MROH1: variants seen among roughly 807,000 people sequenced by gnomAD.
The protein encoded by MROH1 is maestro heat like repeat family member 1, also known as maestro heat-like repeat-containing protein family member 1.
A neutral mutation model predicts 116.5 loss-of-function variants in MROH1; 117 were observed. The ratio of observed to expected loss-of-function variants is 1.00; its 90% confidence interval spans 0.86 to 1.17. The LOEUF (loss-of-function observed/expected upper bound fraction) is 1.17. Ranked by LOEUF, MROH1 falls within the 50% of genes most tolerant of loss-of-function variation. The pLI, the probability that MROH1 is intolerant of heterozygous loss-of-function variation, is 0.00. For missense variants in MROH1, 1,873 were observed against 1,338.5 expected (o/e 1.40, Z -6.23); for synonymous variants, 921 against 583.9 (o/e 1.58, Z -8.32).
chr8:144,190,290 G>T (rs1164129036), intron 7 of MROH1, among the ~76,000 whole-genome samples: 1 of 152,198 alleles, frequency 6.6e-6, no homozygotes, highest in Non-Finnish European at 1.5e-5. Flanking sequence ...CACTTTGGGA[G>T]GCCAAGGTGG....
In MROH1 at chr8:144,180,784, G is replaced by A. The variant is rs1352034402; in HGVS notation, c.562+261G>A. On this transcript the variant is annotated intron_variant, in intron 7 of 43. Transcript: ENST00000326134. This position sits in a 1 kb window ranked among gnomAD's most constrained non-coding sequence, Gnocchi z 7.4. ...GGTCCACTGAGGGCTGGACGTGCCTGGGGGGTAGGAAGAGACTTCCTCGAA... is the reference window on the plus strand; with the variant it reads ...GGTCCACTGAGGGCTGGACGTGCCTAGGGGGTAGGAAGAGACTTCCTCGAA... Among the ~76,000 whole-genome samples, 1 of 152,112 alleles carries A rather than the reference G, an allele frequency of 6.6e-6. No individual in the cohort carries two copies. Among genetic ancestry groups the A allele is most frequent in the African/African-American group, 2.4e-5 (1 of 41,418 alleles).
chr8:144,214,684 C>T (rs1015249181), intron 12 of MROH1, among the ~76,000 whole-genome samples: 30 of 152,294 alleles, frequency 2.0e-4, no homozygotes, highest in Non-Finnish European at 3.5e-4. Flanking sequence ...ATTGTTCGTT[C>T]CCTTTGTCTC....
At position 144,201,299 on chromosome 8, in the gene MROH1, T is replaced by C. The variant is rs560527483; in HGVS notation, c.1141+758T>C. Reference sequence around the variant, plus strand: ...TGGTCTCAATCTCCTGACCTCCTGATCCACCCACCTCGGCCTTCCAAAGTG... The same window carrying C: ...TGGTCTCAATCTCCTGACCTCCTGACCCACCCACCTCGGCCTTCCAAAGTG... On this transcript the variant is annotated intron_variant, in intron 12 of 43. Transcript: ENST00000326134. 7.9e-5 allele frequency: 12 copies of C among 152,282 alleles called. 2 individuals are homozygous for C. Among genetic ancestry groups the C allele is most frequent in the African/African-American group, 2.9e-4 (12 of 41,542 alleles). 9.4% of individuals were successfully genotyped at this position (152,282 alleles called of 1,614,324 possible).
rs187259874 is a variant in MROH1, at chr8:144,205,007, G to A, written c.1141+4466G>A. 4.7e-4 allele frequency among the ~76,000 whole-genome samples: 71 copies of A among 152,276 alleles called. No individual in the cohort carries two copies. In the South Asian group the frequency reaches 5.2e-3, roughly 11 times the overall value. On this transcript the variant is annotated intron_variant, in intron 12 of 43. Coordinates refer to ENST00000326134, the MANE Select transcript of MROH1 (RefSeq NM_032450.3). ...ACCTTATGTCTCACAAGTGGCTTATGAGCATTATTGCTTCATGTCCTCACC... is the reference window on the plus strand; with the variant it reads ...ACCTTATGTCTCACAAGTGGCTTATAAGCATTATTGCTTCATGTCCTCACC...
In MROH1 at chr8:144,207,321, A is replaced by G. The variant is rs541875360; in HGVS notation, c.1141+6780A>G. On this transcript the variant is annotated intron_variant, in intron 12 of 43. Coordinates refer to ENST00000326134, the MANE Select transcript of MROH1 (RefSeq NM_032450.3). ...TCCTGCCTCAGCCTCCCAAGTAGCT[A>G]GGACTACAGGCGCTCACCACCATGC... 2.0e-3 allele frequency among the ~76,000 whole-genome samples: 305 copies of G among 151,624 alleles called. 1 individual carries two copies. Among genetic ancestry groups the G allele is most frequent in the African/African-American group, 6.8e-3 (283 of 41,346 alleles).
rs535191863 is a variant in MROH1 at position 144,201,857 on chromosome 8, A to G, written c.1141+1316A>G. Among the ~76,000 whole-genome samples the G allele has an allele frequency of 2.0e-5, 3 of 152,070 alleles. No homozygotes were observed. The East Asian group carries it at 5.8e-4, about 30-fold the overall frequency. On this transcript the variant is annotated intron_variant, in intron 12 of 43. Coordinates refer to ENST00000326134, the MANE Select transcript of MROH1 (RefSeq NM_032450.3). ...GTGAAACCCCGTCTCTACTAAAAAT[A>G]TATATTAAAAAAAATTAGCCTGGCG...
In MROH1 at chr8:144,215,766, G is replaced by T. The variant is rs141765012; in HGVS notation, c.1142-4834G>T. ...CGGGCACCTGTAGTCCCAGCTACTC[G>T]GGAGGCTGAGGCAGGAGAATGGCGT... On this transcript the variant is annotated intron_variant, in intron 12 of 43. Transcript: ENST00000326134. Among the ~76,000 whole-genome samples the T allele has an allele frequency of 8.8e-3, 1,337 of 151,690 alleles. 9 individuals carry two copies. Among genetic ancestry groups the T allele is most frequent in the Non-Finnish European group, 0.015 (992 of 67,890 alleles).
In MROH1 at chr8:144,260,153, C is replaced by T. The variant is rs899021553; in HGVS notation, c.4192-33C>T. ...TCTTGTGGGGTAGCAGACGGTGACT[C>T]TGGGACCCAGGCTGAGTGTAAGGTA... is the stretch of plus-strand genomic sequence containing the variant. On this transcript the variant is annotated intron_variant, in intron 38 of 43. Coordinates refer to ENST00000326134, the MANE Select transcript of MROH1 (RefSeq NM_032450.3). 127 of 762,942 alleles carry T rather than the reference C, an allele frequency of 1.7e-4. No individual in the cohort carries two copies. In the African/African-American group the frequency reaches 1.7e-3, roughly 10 times the overall value. The allele number at this position is 762,942 out of a possible 1,614,324, so 47.3% of individuals were successfully genotyped here.
intron 2 of MROH1, among the ~76,000 whole-genome samples, chr8:144,161,320 A>C (rs7833720): frequency 0.11 from 16,857 of 152,086 alleles, 3,119 homozygotes; most frequent in African/African-American, 0.38. Context: ...AGGGTGTGGG[A>C]AGCTTTGGGG....
intron 12 of MROH1, among the ~76,000 whole-genome samples, chr8:144,203,967 A>G (rs1832271139): frequency 6.6e-6 from 1 of 152,174 alleles, no homozygotes; most frequent in Non-Finnish European, 1.5e-5. Context: ...TTTTCCTTGA[A>G]GTTCTTTCTC....
intron 12 of MROH1, 145 bp downstream of exon 12, chr8:144,200,686 T>G: frequency 4.5e-6 from 3 of 663,008 alleles, no homozygotes; most frequent in Non-Finnish European, 5.2e-6. Flanking sequence ...TTTTGCAAAA[T>G]TCTAAACTTT....
intron 35 of MROH1, among the ~76,000 whole-genome samples, chr8:144,257,074 G>A (rs916478364): frequency 2.0e-5 from 3 of 152,216 alleles, no homozygotes; most frequent in East Asian, 1.9e-4. Flanking sequence ...GCCTGTATGT[G>A]TCAAGGGCAT....
Position 144,258,818 on chromosome 8 carries a change from G to A in MROH1, c.3833G>A (p.Gly1278Asp), listed in dbSNP as rs1335821129. The part of the protein sequence containing the change: ...DTLRSMLLRS[G>D]SEDVVQRMDL... ...CTGCGGTCCATGCTACTCCGCAGCG[G>A]CAGCGAGGATGTGGTACAGCGCATG... Residue 1278 changes from glycine (G) to aspartate (D), a missense_variant, in exon 36 of 44, where the codon GGC becomes GAC. By Grantham distance (94) the Gly-to-Asp change is moderately conservative. Transcript: ENST00000326134. The A allele has an allele frequency of 6.5e-6, 5 of 769,260 alleles. No homozygotes were observed. Among genetic ancestry groups the A allele is most frequent in the Non-Finnish European group, 1.2e-5 (5 of 414,430 alleles). 47.7% of individuals were successfully genotyped at this position (769,260 alleles called of 1,614,324 possible).
chr8:144,190,957 G>C, intron 8 of MROH1, 22 bp downstream of exon 8: 7 of 1,599,200 alleles, frequency 4.4e-6, no homozygotes, highest in Non-Finnish European at 6.0e-6. Flanking sequence ...GGCTGCATCA[G>C]TCCACGCCTG....
chr8:144,201,271 GGAT>G (rs1176052126), intron 12 of MROH1: 1 of 152,108 alleles, frequency 6.6e-6, no homozygotes, highest in Non-Finnish European at 1.5e-5. Flanking sequence ...ATGTCGGCCA[GGAT>G]GGTCTCAATC....
chr8:144,192,190 GGGCCCATGTCCTCCT>G (rs1828786209), intron 9 of MROH1, 104 bp from the exon 10 acceptor site: 2 of 824,278 alleles, frequency 2.4e-6, no homozygotes, highest in Admixed American at 5.6e-5. Flanking sequence ...CCCCAAGGTG[GGGCCCATGTCCTCCT>G]GGCCCATGTC....
chr8:144,204,740 C>T (rs879015538), intron 12 of MROH1, among the ~76,000 whole-genome samples: 1 of 152,190 alleles, frequency 6.6e-6, no homozygotes, highest in Admixed American at 6.5e-5. Flanking sequence ...TTTATTTTCA[C>T]TCCCGTGAAG....
Position 144,197,980 on chromosome 8 carries a change from C to T in MROH1, c.949-1142C>T, listed in dbSNP as rs527840908. ...CTGAGAATTGCTTGAACCCGGGAGGCGGAGGTTGCAGTGAGCCAAGGTCAC... is the reference window on the plus strand; with the variant it reads ...CTGAGAATTGCTTGAACCCGGGAGGTGGAGGTTGCAGTGAGCCAAGGTCAC... On this transcript the variant is annotated intron_variant, in intron 10 of 43. Coordinates refer to ENST00000326134, the MANE Select transcript of MROH1 (RefSeq NM_032450.3). Among the ~76,000 whole-genome samples the T allele has an allele frequency of 3.4e-5, 5 of 146,236 alleles. No homozygotes were observed. The South Asian group carries it at 6.5e-4, about 19-fold the overall frequency.
chr8:144,222,335 A>G (rs1256259284), intron 13 of MROH1, among the ~76,000 whole-genome samples: 2 of 152,068 alleles, frequency 1.3e-5, no homozygotes. Flanking sequence ...AGTAAGTGAG[A>G]TGCTCTCCTC....
Sources: gnomAD v4.1 joint callset for allele counts (sites outside exome capture counted in the v4.1 genomes callset) on GRCh38, gnomAD v4.1.1 for gene constraint, Gnocchi (gnomAD v3.1) non-coding constraint, MANE v1.5 for transcripts, NCBI Gene and HGNC (gene_info 2026-07-23, HGNC 2026-07-21) for gene names.